Variants in EYA4 observed in about 807,000 individuals in gnomAD.
EYA4 encodes protein phosphatase EYA4.
Under a neutral mutation model 87.9 loss-of-function variants are expected in EYA4, and 31 were observed. That is an observed-to-expected ratio of 0.35 (90% CI 0.27 to 0.48). The LOEUF is 0.48. EYA4 is among the 20% of genes least tolerant of loss of function. EYA4 has a pLI of 0.99. For missense variants in EYA4, 678 were observed against 761.4 expected, an observed-to-expected ratio of 0.89 and a Z score of 1.29; for synonymous variants, 263 against 270.6, an observed-to-expected ratio of 0.97 and a Z score of 0.28.
At chr6:133,363,012 A>G (rs1263393057) in intron 2 of EYA4, among the ~76,000 whole-genome samples, 1 of 152,202 alleles carries the variant, frequency 6.6e-6, no homozygotes, top group Admixed American at 6.5e-5. Context: ...CATTAAGGAA[A>G]TATTAACTGG....
intron 3 of EYA4, among the ~76,000 whole-genome samples, chr6:133,441,973 CCATATATGACAGATG>C: frequency 6.6e-6 from 1 of 151,240 alleles, no homozygotes; most frequent in Non-Finnish European, 1.5e-5. Context: ...ATGTATTGAT[CCATATATGACAGATG>C]TATATATGGC....
At chr6:133,484,094 A>T (rs1423795070) in intron 13 of EYA4, among the ~76,000 whole-genome samples, 2 of 152,152 alleles carry the variant, frequency 1.3e-5, no homozygotes, top group African/African-American at 4.8e-5. Flanking sequence ...CCGAAGACTG[A>T]TGCAACTCTG....
intron 3 of EYA4, among the ~76,000 whole-genome samples, chr6:133,431,776 T>C (rs1485776532): frequency 6.6e-6 from 1 of 152,178 alleles, no homozygotes. Context: ...ATTTATAACA[T>C]TGTGTGTTCC....
chr6:133,336,516 G>A (rs1259639694), intron 2 of EYA4, among the ~76,000 whole-genome samples: 1 of 152,164 alleles, frequency 6.6e-6, no homozygotes, highest in East Asian at 1.9e-4. Flanking sequence ...ATACCATAAG[G>A]TGAGACATTC....
At chr6:133,359,979 A>G (rs1418630773) in intron 2 of EYA4, among the ~76,000 whole-genome samples, 5 of 152,202 alleles carry the variant, frequency 3.3e-5, no homozygotes, top group African/African-American at 1.2e-4. Context: ...AAAGAACGCT[A>G]TGTACATCTG....
chr6:133,412,529 G>A (rs1789334332), intron 3 of EYA4, among the ~76,000 whole-genome samples: 1 of 152,030 alleles, frequency 6.6e-6, no homozygotes, highest in South Asian at 2.1e-4. Context: ...TGTATTTTTT[G>A]TGTGTCTGGC....
intron 2 of EYA4, among the ~76,000 whole-genome samples, chr6:133,327,148 A>AT (rs1781560997): frequency 1.3e-5 from 2 of 151,932 alleles, no homozygotes; most frequent in African/African-American, 2.4e-5. Flanking sequence ...TTTTATTTTT[A>AT]TTTTTTTGAG....
chr6:133,295,667 C>A (rs1458425734), intron 2 of EYA4, among the ~76,000 whole-genome samples: 1 of 152,046 alleles, frequency 6.6e-6, no homozygotes, highest in African/African-American at 2.4e-5. Flanking sequence ...ACAATAAAAT[C>A]TAGTAAGGTT....
rs142462001 is a variant in EYA4 at position 133,352,520 on chromosome 6, G to A, written c.34-29872G>A. 2.6e-3 allele frequency among the ~76,000 whole-genome samples: 391 copies of A among 152,040 alleles called. 2 individuals are homozygous for A. The highest frequency in any genetic ancestry group is 3.3e-3 in the South Asian group (16 of 4,808). On this transcript the variant is annotated intron_variant, in intron 2 of 19. Coordinates refer to ENST00000355286, the MANE Select transcript of EYA4 (RefSeq NM_004100.5). ...ATGTCATATACGTACATATAAAATT[G>A]GTATAACAGGTAATTTGAATCTTAA...
chr6:133,343,536 TACC>T (rs1279302235), intron 2 of EYA4, among the ~76,000 whole-genome samples: 1 of 149,626 alleles, frequency 6.7e-6, no homozygotes, highest in Admixed American at 6.7e-5. Context: ...AGCTCAACAA[TACC>T]ACCACCACCA....
chr6:133,383,212 G>C (rs185106835), intron 3 of EYA4, among the ~76,000 whole-genome samples: 1 of 152,168 alleles, frequency 6.6e-6, no homozygotes, highest in Non-Finnish European at 1.5e-5. Context: ...CCCGCATATA[G>C]TGCATGTAGT....
chr6:133,325,728 G>A (rs1011283948), intron 2 of EYA4, among the ~76,000 whole-genome samples: 1 of 152,100 alleles, frequency 6.6e-6, no homozygotes, highest in Non-Finnish European at 1.5e-5. Flanking sequence ...TTTTGTAAGG[G>A]GCAAGGTAGT....
At chr6:133,404,679 A>T (rs1788549645) in intron 3 of EYA4, among the ~76,000 whole-genome samples, 1 of 152,202 alleles carries the variant, frequency 6.6e-6, no homozygotes, top group African/African-American at 2.4e-5. Context: ...AACACAAAAC[A>T]TTTGAGACTA....
At chr6:133,526,886 A>G (rs1392900356) in intron 19 of EYA4, among the ~76,000 whole-genome samples, 1 of 152,210 alleles carries the variant, frequency 6.6e-6, no homozygotes, top group African/African-American at 2.4e-5. Flanking sequence ...CTTTTAGCCT[A>G]TGCAAATTAA....
At chr6:133,335,456 G>A (rs1171027849) in intron 2 of EYA4, among the ~76,000 whole-genome samples, 1 of 152,176 alleles carries the variant, frequency 6.6e-6, no homozygotes, top group Non-Finnish European at 1.5e-5. Context: ...TGTTCCTGAT[G>A]AACAAATGAC....
rs1039449822 is a variant in EYA4, at chr6:133,272,080, A to G, written c.-65-2636A>G. ...CATCTGGGCATTTCTCCTTCATGCA[A>G]AGTGCACAACGAGGTGCACTGCTCA... On this transcript the variant is annotated intron_variant, in intron 1 of 19. Transcript: ENST00000355286. Among the ~76,000 whole-genome samples, 7 of 152,206 alleles carry G rather than the reference A, an allele frequency of 4.6e-5. No individual in the cohort carries two copies. In the South Asian group the frequency reaches 1.0e-3, roughly 22 times the overall value.
chr6:133,484,335 A>AGCTT (rs1168671863), intron 13 of EYA4, among the ~76,000 whole-genome samples: 1 of 152,184 alleles, frequency 6.6e-6, no homozygotes, highest in Non-Finnish European at 1.5e-5. Flanking sequence ...TGCAGTTTTT[A>AGCTT]GCTTTGTCTA....
At chr6:133,264,010 C>G (rs541902080) in intron 1 of EYA4, among the ~76,000 whole-genome samples, 85 of 152,346 alleles carry the variant, frequency 5.6e-4, no homozygotes, top group African/African-American at 2.0e-3. Flanking sequence ...TGTACTCCCC[C>G]ACTTTCCCTT....
At chr6:133,256,075 C>T (rs989249951) in intron 1 of EYA4, among the ~76,000 whole-genome samples, 18 of 151,776 alleles carry the variant, frequency 1.2e-4, no homozygotes, top group African/African-American at 2.7e-4. Flanking sequence ...TTAATTGAAC[C>T]TTGTAATTAT....
Sources: gnomAD v4.1 joint callset for allele counts (sites outside exome capture counted in the v4.1 genomes callset) on GRCh38, gnomAD v4.1.1 for gene constraint, MANE v1.5 for transcripts, NCBI Gene and HGNC (gene_info 2026-07-23, HGNC 2026-07-21) for gene names.